Variants in NKAIN3 observed in about 807,000 individuals in gnomAD.
The protein encoded by NKAIN3 is sodium/potassium transporting ATPase interacting 3.
NKAIN3 carries 25 observed loss-of-function variants against 30.2 expected under a neutral mutation model. That is an observed-to-expected ratio of 0.83 (90% CI 0.60 to 1.16). The LOEUF (loss-of-function observed/expected upper bound fraction) is 1.16. Among genes scored for constraint, NKAIN3 ranks in the 50% most tolerant of loss-of-function variants. The pLI is 0.00. For missense variants in NKAIN3, 225 were observed against 254.1 expected, an observed-to-expected ratio of 0.89 and a Z score of 0.78; for synonymous variants, 91 against 89.6, an observed-to-expected ratio of 1.02 and a Z score of -0.09.
intron 5 of NKAIN3, among the ~76,000 whole-genome samples, chr8:62,929,780 C>T (rs1003308277): frequency 1.3e-5 from 2 of 151,980 alleles, no homozygotes; most frequent in African/African-American, 4.8e-5. Flanking sequence ...CACATGCAGC[C>T]CAGGGTGACT....
chr8:62,965,966 G>T lies in NKAIN3; in HGVS notation c.*559G>T, dbSNP rs781252063. ...AAACATGGAGTCCTCCTTTGTTCCT[G>T]ACTTCTTAAAACCCAGAACGATATT... On this transcript the variant is annotated 3_prime_UTR_variant, in exon 7 of 7. Transcript: ENST00000623646. 5 of 984,976 alleles carry T rather than the reference G, an allele frequency of 5.1e-6. No homozygotes were observed. Among genetic ancestry groups the T allele is most frequent in the Non-Finnish European group, 6.0e-6 (5 of 829,626 alleles). 61.0% of individuals were successfully genotyped at this position (984,976 alleles called of 1,614,324 possible). A position where few individuals can be genotyped will look rare whatever the true frequency, so the allele number is the denominator to read the frequency against.
intron 1 of NKAIN3, among the ~76,000 whole-genome samples, chr8:62,337,447 T>C (rs1815596899): frequency 6.6e-6 from 1 of 151,796 alleles, no homozygotes; most frequent in African/African-American, 2.4e-5. Flanking sequence ...GAATGAAGTA[T>C]ATCAGGGGCA....
intron 5 of NKAIN3, among the ~76,000 whole-genome samples, chr8:62,939,158 G>A (rs1822872505): frequency 1.3e-5 from 2 of 152,110 alleles, no homozygotes; most frequent in African/African-American, 2.4e-5. Flanking sequence ...AAGAACTTCA[G>A]AGCTCAAAAA....
intron 1 of NKAIN3, among the ~76,000 whole-genome samples, chr8:62,446,183 G>T (rs1250459287): frequency 6.6e-6 from 1 of 152,102 alleles, no homozygotes; most frequent in Non-Finnish European, 1.5e-5. Flanking sequence ...TGATAAGTCA[G>T]CTAATTGAAG....
chr8:62,943,631 C>T (rs1474727227), intron 5 of NKAIN3, among the ~76,000 whole-genome samples: 4 of 151,438 alleles, frequency 2.6e-5, no homozygotes, highest in Non-Finnish European at 5.9e-5. Flanking sequence ...AATATGGAGC[C>T]AGCCCAAATG....
At chr8:62,512,409 C>T (rs896704996) in intron 1 of NKAIN3, among the ~76,000 whole-genome samples, 3 of 152,246 alleles carry the variant, frequency 2.0e-5, no homozygotes, top group East Asian at 3.9e-4. Flanking sequence ...AACATGTTCT[C>T]ACCTCTGATC....
chr8:62,392,376 G>T (rs1817607675), intron 1 of NKAIN3, among the ~76,000 whole-genome samples: 1 of 152,104 alleles, frequency 6.6e-6, no homozygotes, highest in African/African-American at 2.4e-5. Context: ...GTGGAGTGAA[G>T]CTCACTTTTA....
At chr8:62,383,799 A>G (rs541584763) in intron 1 of NKAIN3, among the ~76,000 whole-genome samples, 24 of 152,240 alleles carry the variant, frequency 1.6e-4, no homozygotes, top group Non-Finnish European at 3.1e-4. Context: ...TAAGTTTTCA[A>G]TACAAGAGAA....
chr8:62,298,304 C>G (rs1004961604), intron 1 of NKAIN3, among the ~76,000 whole-genome samples: 1 of 152,122 alleles, frequency 6.6e-6, no homozygotes, highest in East Asian at 1.9e-4. Flanking sequence ...CATATGTACC[C>G]TAAAACTTAA....
At chr8:62,845,693 C>T (rs889891280) in intron 4 of NKAIN3, among the ~76,000 whole-genome samples, 9 of 152,150 alleles carry the variant, frequency 5.9e-5, no homozygotes, top group African/African-American at 2.2e-4. Context: ...AGACTGCTGA[C>T]CAGGCACAAA....
At chr8:62,931,115 T>C (rs533150093) in intron 5 of NKAIN3, among the ~76,000 whole-genome samples, 1 of 152,228 alleles carries the variant, frequency 6.6e-6, no homozygotes, top group Non-Finnish European at 1.5e-5. Context: ...TTCATTGTAA[T>C]TATCATTTTT....
At chr8:62,906,591 G>A (rs1821785879) in intron 4 of NKAIN3, among the ~76,000 whole-genome samples, 1 of 152,166 alleles carries the variant, frequency 6.6e-6, no homozygotes, top group Admixed American at 6.5e-5. Context: ...GGACCTGATG[G>A]GAGACAACTG....
chr8:62,491,532 A>G (rs181075845), intron 1 of NKAIN3, among the ~76,000 whole-genome samples: 72 of 152,284 alleles, frequency 4.7e-4, no homozygotes, highest in African/African-American at 1.7e-3. Context: ...TTATTTCTTA[A>G]TAGAGGCAAA....
chr8:62,738,863 T>A (rs1318832562), intron 3 of NKAIN3, among the ~76,000 whole-genome samples: 5 of 152,134 alleles, frequency 3.3e-5, no homozygotes, highest in African/African-American at 1.2e-4. Context: ...ATTTTGGCTT[T>A]TGAAATGCCC....
At chr8:62,276,241 T>G (rs1370171973) in intron 1 of NKAIN3, among the ~76,000 whole-genome samples, 3 of 152,030 alleles carry the variant, frequency 2.0e-5, no homozygotes, top group African/African-American at 7.2e-5. Flanking sequence ...AATTTTTATA[T>G]TTTTAGTAGA....
At chr8:62,451,960 A>G (rs189656122) in intron 1 of NKAIN3, among the ~76,000 whole-genome samples, 1 of 152,166 alleles carries the variant, frequency 6.6e-6, no homozygotes, top group African/African-American at 2.4e-5. Context: ...TGCTTTATTT[A>G]TTTTCCAGGA....
At chr8:62,417,345 G>C (rs1804480228) in intron 1 of NKAIN3, among the ~76,000 whole-genome samples, 1 of 152,080 alleles carries the variant, frequency 6.6e-6, no homozygotes, top group Admixed American at 6.6e-5. Context: ...TTGTGTATAA[G>C]TACCATACTT....
intron 1 of NKAIN3, among the ~76,000 whole-genome samples, chr8:62,369,998 C>A (rs1007610455): frequency 2.6e-5 from 4 of 151,982 alleles, no homozygotes; most frequent in Admixed American, 2.6e-4. Flanking sequence ...ACCTAGATTT[C>A]TTTTTGAGAT....
intron 3 of NKAIN3, among the ~76,000 whole-genome samples, chr8:62,684,579 G>A (rs980906072): frequency 4.6e-5 from 7 of 152,166 alleles, no homozygotes; most frequent in African/African-American, 1.4e-4. Context: ...AGATCTATGA[G>A]AGAAGAATAT....
Sources: allele counts gnomAD v4.1 joint callset (sites outside exome capture counted in the v4.1 genomes callset), GRCh38; gene constraint gnomAD v4.1.1; transcripts MANE v1.5; gene names NCBI Gene and HGNC (gene_info 2026-07-23, HGNC 2026-07-21).